The following SPECC1 variants were observed in gnomAD, a reference collection of about 807,000 sequenced individuals.
The protein encoded by SPECC1 is cytospin-B.
A neutral mutation model predicts 104.1 loss-of-function variants in SPECC1; 62 were observed. The ratio of observed to expected loss-of-function variants is 0.60; its 90% CI spans 0.49 to 0.74. The LOEUF (loss-of-function observed/expected upper bound fraction) is 0.74. SPECC1 is among the 30% of genes least tolerant of loss of function. The pLI is 0.00. For missense variants in SPECC1, 1,306 were observed against 1,310.5 expected (o/e 1.00, Z 0.05); for synonymous variants, 513 against 501.6 (o/e 1.02, Z -0.30).
At position 20,314,761 on chromosome 17, in the gene SPECC1, G is replaced by C; in HGVS notation, c.*696G>C. 1 of 217,992 alleles carries C rather than the reference G, an allele frequency of 4.6e-6. No individual in the cohort carries two copies. The allele number at this position is 217,992 out of a possible 1,614,324, so 13.5% of individuals were successfully genotyped here. On this transcript the variant is annotated 3_prime_UTR_variant, in exon 15 of 15. Coordinates refer to ENST00000395527, the MANE Select transcript of SPECC1 (RefSeq NM_001243439.2). Reference sequence around the variant, plus strand: ...GTTCCAGGGCAACCTGGAAACGTGCGTGCGCACTCAGCCTTTTGGGGAAAA... The same window carrying C: ...GTTCCAGGGCAACCTGGAAACGTGCCTGCGCACTCAGCCTTTTGGGGAAAA...
intron 3 of SPECC1, among the ~76,000 whole-genome samples, chr17:20,186,368 A>G (rs892579335): frequency 6.6e-6 from 1 of 152,256 alleles, no homozygotes; most frequent in African/African-American, 2.4e-5. Context: ...TTGCTAAAAA[A>G]TGCTAACGAA....
intron 14 of SPECC1, among the ~76,000 whole-genome samples, chr17:20,309,573 C>G (rs554399331): frequency 6.6e-6 from 1 of 151,302 alleles, no homozygotes; most frequent in Admixed American, 6.6e-5. Flanking sequence ...CTTGTAGTCC[C>G]CAGTGTCTAC....
At chr17:20,150,812 GA>G (rs2031937840) in intron 3 of SPECC1, among the ~76,000 whole-genome samples, 1 of 151,802 alleles carries the variant, frequency 6.6e-6, no homozygotes, top group Non-Finnish European at 1.5e-5. Flanking sequence ...ATTTGGTATA[GA>G]AAAAAAGTCT....
chr17:20,294,663 CTGA>C (rs1463240190), intron 12 of SPECC1, among the ~76,000 whole-genome samples: 4 of 58,312 alleles, frequency 6.9e-5, no homozygotes, highest in East Asian at 4.2e-3. Flanking sequence ...TATGAAGGTA[CTGA>C]TGATGGTGGT....
At chr17:20,262,824 C>A (rs943483283) in intron 12 of SPECC1, among the ~76,000 whole-genome samples, 6 of 152,018 alleles carry the variant, frequency 3.9e-5, no homozygotes, top group African/African-American at 1.4e-4. Flanking sequence ...AGAATCTACC[C>A]AGAGTATGTG....
At chr17:20,301,497 A>G (rs2041582547) in intron 13 of SPECC1, among the ~76,000 whole-genome samples, 1 of 152,134 alleles carries the variant, frequency 6.6e-6, no homozygotes, top group Non-Finnish European at 1.5e-5. Flanking sequence ...ATCAAAATCT[A>G]AAAAGTATGT....
intron 12 of SPECC1, 70 bp downstream of exon 12, chr17:20,260,364 T>A: frequency 7.4e-7 from 1 of 1,354,362 alleles, no homozygotes; most frequent in Non-Finnish European, 1.0e-6. Context: ...TACATGTTCC[T>A]TGTGTGCCTG....
intron 1 of SPECC1, among the ~76,000 whole-genome samples, chr17:20,024,482 G>A (rs2044521847): frequency 6.6e-6 from 1 of 152,172 alleles, no homozygotes; most frequent in Admixed American, 6.5e-5. Context: ...GAGATACAAA[G>A]ATAAATAAGA....
intron 2 of SPECC1, among the ~76,000 whole-genome samples, chr17:20,104,451 C>A (rs913251825): frequency 2.0e-5 from 3 of 152,052 alleles, no homozygotes; most frequent in Non-Finnish European, 4.4e-5. Flanking sequence ...GATTCAAATT[C>A]TCTTTTGTTG....
intron 4 of SPECC1, among the ~76,000 whole-genome samples, chr17:20,216,550 T>C (rs2037500816): frequency 6.6e-6 from 1 of 151,974 alleles, no homozygotes; most frequent in Non-Finnish European, 1.5e-5. Context: ...AGGTGACCCT[T>C]GATAGGATTC....
chr17:20,282,428 A>G (rs2040804961), intron 12 of SPECC1, among the ~76,000 whole-genome samples: 1 of 152,248 alleles, frequency 6.6e-6, no homozygotes, highest in Admixed American at 6.5e-5. Flanking sequence ...TGTGGATAAA[A>G]GAGTGGGAGG....
intron 1 of SPECC1, among the ~76,000 whole-genome samples, chr17:20,015,801 A>G (rs1278638405): frequency 6.7e-6 from 1 of 148,962 alleles, no homozygotes; most frequent in Non-Finnish European, 1.5e-5. Flanking sequence ...AACCAGGATG[A>G]TCTCGATCTC....
In SPECC1 at chr17:20,295,002, G is replaced by A. The variant is rs141238311; in HGVS notation, c.2941-1959G>A. On this transcript the variant is annotated intron_variant, in intron 12 of 14. Coordinates refer to ENST00000395527, the MANE Select transcript of SPECC1 (RefSeq NM_001243439.2). ...TGTTGCCTTACTGAAAAATCCAAAG[G>A]TAGATTCCCATCTATTATTATTATT... 6.1e-4 allele frequency among the ~76,000 whole-genome samples: 86 copies of A among 141,960 alleles called. 1 individual carries two copies. In the East Asian group the frequency reaches 8.2e-3, roughly 13 times the overall value. The allele number at this position is 141,960 out of a possible 152,430, so 93.1% of individuals were successfully genotyped here.
chr17:20,292,343 TG>T (rs58735456), intron 12 of SPECC1, among the ~76,000 whole-genome samples: 82 of 150,488 alleles, frequency 5.4e-4, no homozygotes, highest in African/African-American at 1.3e-3. Flanking sequence ...TCTTTTTTTT[TG>T]GGGGGGGGAC....
intron 3 of SPECC1, among the ~76,000 whole-genome samples, chr17:20,169,563 A>C (rs2033926437): frequency 6.6e-6 from 1 of 151,748 alleles, no homozygotes. Flanking sequence ...AATTAACAGC[A>C]TTAATTTTTC....
At chr17:20,083,508 C>A (rs771978249) in intron 1 of SPECC1, among the ~76,000 whole-genome samples, 1 of 152,150 alleles carries the variant, frequency 6.6e-6, no homozygotes, top group Non-Finnish European at 1.5e-5. Context: ...AGGCTTTTTT[C>A]ACTTAGCATA....
intron 3 of SPECC1, among the ~76,000 whole-genome samples, chr17:20,157,519 G>T (rs749462924): frequency 7.2e-5 from 11 of 152,114 alleles, no homozygotes; most frequent in Non-Finnish European, 1.3e-4. Flanking sequence ...GTAAAGGATT[G>T]GTTCGGTAAA....
At chr17:20,109,181 T>C (rs1444431552) in intron 2 of SPECC1, among the ~76,000 whole-genome samples, 1 of 152,196 alleles carries the variant, frequency 6.6e-6, no homozygotes, top group Non-Finnish European at 1.5e-5. Flanking sequence ...GTGCAAATAT[T>C]TAAACTTCTA....
At chr17:20,049,912 G>A (rs150971789) in intron 1 of SPECC1, among the ~76,000 whole-genome samples, 171 of 152,140 alleles carry the variant, frequency 1.1e-3, no homozygotes, top group African/African-American at 4.0e-3. Context: ...GTGCCTCCCA[G>A]ATTAAAGCTA....
Sources: allele counts gnomAD v4.1 joint callset (sites outside exome capture counted in the v4.1 genomes callset), GRCh38; gene constraint gnomAD v4.1.1; transcripts MANE v1.5; gene names NCBI Gene and HGNC (gene_info 2026-07-23, HGNC 2026-07-21).